The following TRIM49B variants were observed in gnomAD, a reference collection of about 807,000 sequenced individuals.
The protein encoded by TRIM49B is putative tripartite motif-containing protein 49B.
A neutral mutation model predicts 31.8 loss-of-function variants in TRIM49B; 18 were observed. That is an observed-to-expected ratio of 0.57 (90% CI 0.39 to 0.84). The LOEUF (loss-of-function observed/expected upper bound fraction) is 0.84. Ranked by LOEUF, TRIM49B falls within the 40% of genes least tolerant of loss-of-function variation. TRIM49B has a pLI of 0.00. For synonymous variants in TRIM49B, 196 were observed against 180.6 expected, an observed-to-expected ratio of 1.09 and a Z score of -0.68; for missense variants, 494 against 538.7, an observed-to-expected ratio of 0.92 and a Z score of 0.82.
chr11:49,029,012 C>T (rs7110642), intron 1 of TRIM49B, 37 bp downstream of exon 1: 1 of 152,526 alleles, frequency 6.6e-6, no homozygotes. Context: ...TATCATCTTT[C>T]CTTTACACAA....
intron 1 of TRIM49B, among the ~76,000 whole-genome samples, chr11:49,030,866 G>T (rs1249657363): frequency 1.3e-5 from 2 of 152,114 alleles, no homozygotes; most frequent in Non-Finnish European, 2.9e-5. Flanking sequence ...AGTTTGCACA[G>T]CCCTAGGGGA....
intron 6 of TRIM49B, 31 bp from the exon 7 acceptor site, chr11:49,037,447 C>T (rs1296366720): frequency 1.0e-5 from 16 of 1,591,202 alleles, no homozygotes; most frequent in East Asian, 2.2e-5. Context: ...CTTATTTACA[C>T]GTCTATGCAT....
chr11:49,037,577 A>G lies in TRIM49B; in HGVS notation c.959A>G (p.Tyr320Cys), dbSNP rs1351639575. The G allele has an allele frequency of 3.7e-6, 6 of 1,614,100 alleles. No homozygotes were observed. Among genetic ancestry groups the G allele is most frequent in the African/African-American group, 1.3e-5 (1 of 75,024 alleles). ...CIGCDHQDVP[Y>C]FTATPRSFLA... is the part of the protein sequence containing the mutation. ...GGATGTGACCATCAAGATGTACCCT[A>G]TTTCACTGCAACACCTAGAAGTTTT... The change falls in exon 7 of 7, where the codon TAT becomes TGT. Residue 320 changes from tyrosine to cysteine, a missense_variant. Physicochemically the swap from Tyr to Cys is radical, Grantham distance 194. This residue lies in a region of TRIM49B where 233 missense variants were observed against 281.4 expected (regional missense o/e 0.83). Transcript: ENST00000332682.
rs1008634338 is a variant in TRIM49B, at chr11:49,037,594, A to G, written c.976A>G (p.Arg326Gly). The G allele has an allele frequency of 3.7e-6, 6 of 1,614,018 alleles. No individual in the cohort carries two copies. In the African/African-American group the frequency reaches 6.7e-5, roughly 18 times the overall value. The change falls in exon 7 of 7, where the codon AGA becomes GGA. Residue 326 changes from arginine (R) to glycine (G), a missense_variant. Arg to Gly is a moderately radical substitution (Grantham distance 125, BLOSUM62 -2). Transcript: ENST00000332682. ...QDVPYFTATP[R>G]SFLAWGAQTF... Reference sequence around the variant, plus strand: ...TGTACCCTATTTCACTGCAACACCTAGAAGTTTTCTTGCATGGGGTGCTCA... The same window carrying G: ...TGTACCCTATTTCACTGCAACACCTGGAAGTTTTCTTGCATGGGGTGCTCA...
At chr11:49,030,202 T>A (rs1363441058) in intron 1 of TRIM49B, among the ~76,000 whole-genome samples, 1 of 152,070 alleles carries the variant, frequency 6.6e-6, no homozygotes, top group African/African-American at 2.4e-5. Context: ...CCAGGCCTAG[T>A]GTCACGTTCC....
At position 49,034,380 on chromosome 11, in the gene TRIM49B, C is replaced by A. The variant is rs772045179; in HGVS notation, c.738+4C>A. On this transcript the variant is annotated splice_donor_region_variant and intron_variant, in intron 4 of 6. Transcript: ENST00000332682. ...ACCAGATGTGGAGCTACTTCAGGTA[C>A]AAACTCGCCATGTGGTTTCAGGTTT... 699 of 1,611,422 alleles carry A rather than the reference C, an allele frequency of 4.3e-4. 4 individuals are homozygous for A. In the African/African-American group the frequency reaches 8.8e-3, roughly 20 times the overall value.
At position 49,037,803 on chromosome 11, in the gene TRIM49B, C is replaced by G. The variant is rs775904600; in HGVS notation, c.1185C>G (p.Ser395=). The G allele has an allele frequency of 1.2e-6, 2 of 1,613,944 alleles. No individual in the cohort carries two copies. Among genetic ancestry groups the G allele is most frequent in the African/African-American group, 2.7e-5 (2 of 75,034 alleles). ...TTCAACGCAGTCTCTTTACCACCTC[C>G]CCACTTCTGCTGCAATATATCCCAA... ...NDIQRSLFTT[S]PLLLQYIPRP... Residue 395 remains serine, a synonymous_variant, in exon 7 of 7, where the codon TCC becomes TCG. Transcript: ENST00000332682.
rs1854492020 is a variant in TRIM49B at position 49,034,300 on chromosome 11, A to G, written c.662A>G (p.His221Arg). 1 of 1,611,896 alleles carries G rather than the reference A, an allele frequency of 6.2e-7. No homozygotes were observed. Among genetic ancestry groups the G allele is most frequent in the African/African-American group, 1.3e-5 (1 of 74,878 alleles). ...RLHLSKAKMA[H>R]RREILRGMYE... ...CATTTAAGTAAAGCCAAAATGGCTC[A>G]TAGGAGGGAGATTTTAAGAGGAATG... The change falls in exon 4 of 7, where the codon CAT becomes CGT. Residue 221 changes from histidine to arginine, a missense_variant. Around this residue, in one of 3 missense-constraint regions of TRIM49B, gnomAD observed 233 missense variants for 281.4 expected, o/e 0.83. Coordinates refer to ENST00000332682, the MANE Select transcript of TRIM49B (RefSeq NM_001206626.2).
chr11:49,031,900 A>T lies in TRIM49B; in HGVS notation c.301A>T (p.Lys101Ter). 6.2e-7 allele frequency: 1 copy of T among 1,612,918 alleles called. No homozygotes were observed. The highest frequency in any genetic ancestry group is 8.5e-7 in the Non-Finnish European group (1 of 1,179,878). Reference protein sequence around the residue: ...QMCGTHRETKKMFCEVDRSLL... With the variant: ...QMCGTHRETK Reference sequence around the variant, plus strand: ...GTGTGGCACTCACAGGGAGACAAAGAAGATGTTCTGTGAAGTGGACAGGAG... The same window carrying T: ...GTGTGGCACTCACAGGGAGACAAAGTAGATGTTCTGTGAAGTGGACAGGAG... Residue 101 changes from lysine (K) to a stop codon, truncating the protein, a stop_gained, in exon 2 of 7, where the codon AAG becomes TAG. Transcript: ENST00000332682. LOFTEE classifies it high-confidence loss of function.
At chr11:49,032,144 C>A in intron 2 of TRIM49B, 132 bp from the exon 3 acceptor site, 2 of 1,591,556 alleles carry the variant, frequency 1.3e-6, no homozygotes, top group Non-Finnish European at 1.7e-6. Flanking sequence ...TAGCTTCCAA[C>A]CTCTGGGCTT....
Position 49,037,698 on chromosome 11 carries a change from G to A in TRIM49B, c.1080G>A (p.Met360Ile), listed in dbSNP as rs1565093583. Residue 360 changes from methionine to isoleucine, a missense_variant, in exon 7 of 7, where the codon ATG (methionine) becomes ATA (isoleucine). By Grantham distance (10) the Met-to-Ile change is conservative. Transcript: ENST00000332682. ...SWNWAFGVCN[M>I]YWKEKNQNEK... The stretch of plus-strand genomic sequence containing the variant: ...ATTGGGCTTTTGGTGTCTGTAATAT[G>A]TATTGGAAAGAGAAGAATCAGAATG... 1.2e-6 allele frequency: 2 copies of A among 1,613,952 alleles called. No homozygotes were observed. Among genetic ancestry groups the A allele is most frequent in the Admixed American group, 1.7e-5 (1 of 60,016 alleles).
At chr11:49,029,847 CT>C (rs1854423671) in intron 1 of TRIM49B, among the ~76,000 whole-genome samples, 1 of 152,140 alleles carries the variant, frequency 6.6e-6, no homozygotes, top group African/African-American at 2.4e-5. Flanking sequence ...TTTACTGTAC[CT>C]TTTCTGTATT....
At position 49,037,919 on chromosome 11, in the gene TRIM49B, T is replaced by C; in HGVS notation, c.1301T>C (p.Ile434Thr). 1 of 1,613,494 alleles carries C rather than the reference T, an allele frequency of 6.2e-7. No homozygotes were observed. The highest frequency in any genetic ancestry group is 8.5e-7 in the Non-Finnish European group (1 of 1,179,686). Residue 434 changes from isoleucine to threonine, a missense_variant, in exon 7 of 7, where the codon ATC becomes ACC. By Grantham distance (89) the Ile-to-Thr change is moderately conservative. Around this residue, in one of 3 missense-constraint regions of TRIM49B, gnomAD observed 233 missense variants for 281.4 expected, o/e 0.83. Transcript: ENST00000332682. ...DVNQSSLIYT[I>T]PNCSFSPPLR... ...AATCAAAGCTCCCTAATATACACCA[T>C]CCCTAATTGCTCTTTCTCACCTCCT...
Position 49,034,272 on chromosome 11 carries a change from C to A in TRIM49B, c.634C>A (p.Leu212Ile). 1 of 1,611,888 alleles carries A rather than the reference C, an allele frequency of 6.2e-7. No individual in the cohort carries two copies. Residue 212 changes from leucine to isoleucine, a missense_variant, in exon 4 of 7, where the codon CTT (leucine) becomes ATT (isoleucine). Physicochemically the swap from Leu to Ile is conservative, Grantham distance 5 (BLOSUM62 2). Coordinates refer to ENST00000332682, the MANE Select transcript of TRIM49B (RefSeq NM_001206626.2). ...KKKGKDIFHR[L>I]HLSKAKMAHR... ...GAAGGGGAAAGATATTTTTCATCGA[C>A]TTCATTTAAGTAAAGCCAAAATGGC... is the stretch of plus-strand genomic sequence containing the variant.
intron 4 of TRIM49B, among the ~76,000 whole-genome samples, 192 bp downstream of exon 4, chr11:49,034,568 C>G (rs1469189486): frequency 1.3e-5 from 2 of 152,058 alleles, no homozygotes; most frequent in Non-Finnish European, 2.9e-5. Flanking sequence ...GTCCCTCCTA[C>G]TTTATCCACC....
chr11:49,034,299 C>G lies in TRIM49B; in HGVS notation c.661C>G (p.His221Asp), dbSNP rs61743193. 0.022 allele frequency: 35,997 copies of G among 1,611,906 alleles called. 496 individuals carry two copies. Among genetic ancestry groups the G allele is most frequent in the Non-Finnish European group, 0.026 (30,913 of 1,179,810 alleles). The change falls in exon 4 of 7, where the codon CAT becomes GAT. Residue 221 changes from histidine (H) to aspartate (D), a missense_variant. His to Asp is a moderately conservative substitution (Grantham distance 81). Around this residue, in one of 3 missense-constraint regions of TRIM49B, gnomAD observed 233 missense variants for 281.4 expected, o/e 0.83. Coordinates refer to ENST00000332682, the MANE Select transcript of TRIM49B (RefSeq NM_001206626.2). ...TCATTTAAGTAAAGCCAAAATGGCT[C>G]ATAGGAGGGAGATTTTAAGAGGAAT... ...RLHLSKAKMA[H>D]RREILRGMYE...
intron 4 of TRIM49B, 135 bp downstream of exon 4, chr11:49,034,511 T>C: frequency 6.3e-7 from 1 of 1,585,830 alleles, no homozygotes; most frequent in East Asian, 2.2e-5. Context: ...CTAATGCTAC[T>C]TTGTTGGGAG....
chr11:49,036,414 C>T lies in TRIM49B; in HGVS notation c.859+16C>T, dbSNP rs1854531769. ...CAATTCCGAGGTAAGTCTCCACCCACAGGCAGCACTCCCACTATCTAAATA... is the reference window on the plus strand; with the variant it reads ...CAATTCCGAGGTAAGTCTCCACCCATAGGCAGCACTCCCACTATCTAAATA... On this transcript the variant is annotated intron_variant, in intron 6 of 6. Transcript: ENST00000332682. The T allele has an allele frequency of 7.5e-7, 1 of 1,325,220 alleles. No homozygotes were observed. The highest frequency in any genetic ancestry group is 2.4e-5 in the East Asian group (1 of 40,822). The allele number at this position is 1,325,220 out of a possible 1,614,324, so 82.1% of individuals were successfully genotyped here. A position where few individuals can be genotyped will look rare whatever the true frequency, so the allele number is the denominator to read the frequency against.
intron 6 of TRIM49B, among the ~76,000 whole-genome samples, chr11:49,037,003 C>A (rs1355871725): frequency 6.6e-6 from 1 of 152,154 alleles, no homozygotes; most frequent in Non-Finnish European, 1.5e-5. Context: ...TGGAGGACAG[C>A]AGAGAGACTG....
Sources: allele counts gnomAD v4.1 joint callset (sites outside exome capture counted in the v4.1 genomes callset), GRCh38; gene constraint gnomAD v4.1.1; regional missense constraint gnomAD v4.1.1; transcripts MANE v1.5; gene names NCBI Gene and HGNC (gene_info 2026-07-23, HGNC 2026-07-21).